FLI1: variants seen among roughly 807,000 people sequenced by gnomAD.
FLI1 encodes the protein Friend leukemia integration 1 transcription factor.
A neutral mutation model predicts 53.1 loss-of-function variants in FLI1; 13 were observed. That is an observed-to-expected ratio of 0.24 (90% confidence interval 0.16 to 0.39). The LOEUF (loss-of-function observed/expected upper bound fraction) is 0.39, where lower values mean the gene tolerates loss of function less well. Among genes scored for constraint, FLI1 ranks in the 10% least tolerant of loss-of-function variants. The probability of loss-of-function intolerance (pLI) is 1.00; values close to 1 mark genes in which losing one functional copy is unlikely to be tolerated. For synonymous variants in FLI1, 244 were observed against 236.7 expected (o/e 1.03, Z -0.28); for missense variants, 424 against 600.5 (o/e 0.71, Z 3.07).
upstream of FLI1, among the ~76,000 whole-genome samples, chr11:128,689,858 G>A (rs1008416509): frequency 1.6e-5 from 2 of 121,284 alleles, no homozygotes; most frequent in Non-Finnish European, 3.6e-5. Flanking sequence ...CAACCCGCCC[G>A]CCCCCGGCCC....
At chr11:128,751,588 G>A (rs1272914300) in intron 1 of FLI1, among the ~76,000 whole-genome samples, 2 of 152,016 alleles carry the variant, frequency 1.3e-5, no homozygotes, top group East Asian at 1.9e-4. Flanking sequence ...GTGCAGTGGT[G>A]TGATCTCGGC....
At chr11:128,712,963 G>A (rs1357580992) in intron 1 of FLI1, among the ~76,000 whole-genome samples, 1 of 152,186 alleles carries the variant, frequency 6.6e-6, no homozygotes, top group Non-Finnish European at 1.5e-5. Flanking sequence ...TTTCTCATGG[G>A]GAGATCTGAC....
intron 2 of FLI1, 35 bp from the exon 3 acceptor site, chr11:128,768,083 T>C: frequency 3.2e-6 from 5 of 1,570,056 alleles, no homozygotes; most frequent in Non-Finnish European, 4.3e-6. Context: ...CTGTCAGTGC[T>C]GACCGCCTCT....
At chr11:128,737,702 C>T (rs1939965222) in intron 1 of FLI1, among the ~76,000 whole-genome samples, 1 of 152,154 alleles carries the variant, frequency 6.6e-6, no homozygotes, top group African/African-American at 2.4e-5. Context: ...TATTGAGGTA[C>T]CTAAGATAGC....
chr11:128,689,456 T>C (rs1189339438), upstream of FLI1, among the ~76,000 whole-genome samples: 1 of 152,172 alleles, frequency 6.6e-6, no homozygotes, highest in Admixed American at 6.5e-5. Context: ...GCCTGAGGAT[T>C]GGGCCCAGGC....
At chr11:128,797,488 A>C (rs980814620) in intron 5 of FLI1, among the ~76,000 whole-genome samples, 1 of 152,148 alleles carries the variant, frequency 6.6e-6, no homozygotes, top group African/African-American at 2.4e-5. Context: ...CAAATTCTAT[A>C]TTTTCAGAGA....
chr11:128,700,048 C>T (rs1286680701), intron 1 of FLI1, among the ~76,000 whole-genome samples: 1 of 152,198 alleles, frequency 6.6e-6, no homozygotes, highest in Non-Finnish European at 1.5e-5. Flanking sequence ...CCCTGCAGAG[C>T]ACAGCAAGTG....
At chr11:128,738,653 C>A (rs1378433815) in intron 1 of FLI1, among the ~76,000 whole-genome samples, 1 of 152,228 alleles carries the variant, frequency 6.6e-6, no homozygotes, top group South Asian at 2.1e-4. Context: ...AGTTTCTTTA[C>A]CTGTGAACCG....
intron 5 of FLI1, among the ~76,000 whole-genome samples, chr11:128,792,473 G>C (rs1254202686): frequency 6.6e-6 from 1 of 152,194 alleles, no homozygotes; most frequent in Non-Finnish European, 1.5e-5. Context: ...TGGGGCGGTG[G>C]TAATGGAGCT....
intron 2 of FLI1, among the ~76,000 whole-genome samples, chr11:128,767,203 T>C (rs1941376743): frequency 6.6e-6 from 1 of 152,220 alleles, no homozygotes; most frequent in Non-Finnish European, 1.5e-5. Flanking sequence ...GTTCTGTAGT[T>C]CTAGGCTAAG....
chr11:128,778,871 A>T (rs1012359785), intron 4 of FLI1, among the ~76,000 whole-genome samples: 14 of 152,204 alleles, frequency 9.2e-5, no homozygotes, highest in African/African-American at 3.1e-4. Flanking sequence ...CATCAGAACA[A>T]GTTCCTTAAG....
At chr11:128,705,943 A>G (rs1250109234) in intron 1 of FLI1, among the ~76,000 whole-genome samples, 1 of 151,946 alleles carries the variant, frequency 6.6e-6, no homozygotes, top group African/African-American at 2.4e-5. Context: ...GTCCCGATGA[A>G]CCCTATGTGC....
At chr11:128,735,209 T>G (rs1333754966) in intron 1 of FLI1, among the ~76,000 whole-genome samples, 2 of 152,228 alleles carry the variant, frequency 1.3e-5, no homozygotes, top group Non-Finnish European at 2.9e-5. Context: ...CAATTTTCCT[T>G]GTCATTATTA....
chr11:128,750,000 G>C (rs1211952030), intron 1 of FLI1, among the ~76,000 whole-genome samples: 1 of 152,230 alleles, frequency 6.6e-6, no homozygotes, highest in Admixed American at 6.5e-5. Context: ...AGAGAACACA[G>C]AGGGCTTTGC....
intron 1 of FLI1, among the ~76,000 whole-genome samples, chr11:128,745,976 G>A (rs538443142): frequency 6.6e-6 from 1 of 152,324 alleles, no homozygotes; most frequent in African/African-American, 2.4e-5. Flanking sequence ...GTTGTTTGGG[G>A]AAAGTGGTCA....
At chr11:128,801,653 G>T (rs146454935) in intron 5 of FLI1, among the ~76,000 whole-genome samples, 4 of 152,170 alleles carry the variant, frequency 2.6e-5, no homozygotes, top group African/African-American at 9.7e-5. Flanking sequence ...GCTTAATTTC[G>T]TGAAGAAGTC....
intron 6 of FLI1, 63 bp from the exon 7 acceptor site, chr11:128,807,117 G>A: frequency 1.0e-6 from 1 of 1,002,898 alleles, no homozygotes; most frequent in Non-Finnish European, 1.5e-6. Context: ...CATCTGTCAA[G>A]ACGTCTTGCT....
intron 2 of FLI1, 122 bp downstream of exon 2, chr11:128,758,448 C>A: frequency 1.3e-6 from 1 of 763,086 alleles, no homozygotes; most frequent in Non-Finnish European, 2.2e-6. Context: ...GCCAGGAAGC[C>A]TGTGTCAGTC....
At chr11:128,719,340 C>T (rs1333722852) in intron 1 of FLI1, among the ~76,000 whole-genome samples, 6 of 144,360 alleles carry the variant, frequency 4.2e-5, no homozygotes, top group Admixed American at 7.0e-5. Context: ...TGTGTGTACT[C>T]TTTCTCCCCT....
Sources: gnomAD v4.1 joint callset for allele counts (sites outside exome capture counted in the v4.1 genomes callset) on GRCh38, gnomAD v4.1.1 for gene constraint, MANE v1.5 for transcripts, NCBI Gene and HGNC (gene_info 2026-07-23, HGNC 2026-07-21) for gene names.